TRMT11: variants seen among roughly 807,000 people sequenced by gnomAD.
TRMT11 encodes tRNA methyltransferase 11.
In TRMT11, 53 loss-of-function variants were observed where a neutral mutation model predicts 62.8. The ratio of observed to expected loss-of-function variants is 0.84; its 90% CI spans 0.68 to 1.06. The LOEUF (loss-of-function observed/expected upper bound fraction) is 1.06, where lower values mean the gene tolerates loss of function less well. Among genes scored for constraint, TRMT11 ranks in the 50% least tolerant of loss-of-function variants. The pLI is 0.00. For synonymous variants in TRMT11, 188 were observed against 190.3 expected (o/e 0.99, Z 0.10); for missense variants, 556 against 553.4 (o/e 1.00, Z -0.05).
At chr6:126,244,474 A>G in the TRMT11 span, among the ~76,000 whole-genome samples, 1 of 152,184 alleles carries the variant, frequency 6.6e-6, no homozygotes, top group Non-Finnish European at 1.5e-5. Flanking sequence ...TATGGCCAGT[A>G]TCAAAAGTTA....
chr6:126,253,732 C>T, the TRMT11 span, among the ~76,000 whole-genome samples: 2 of 152,164 alleles, frequency 1.3e-5, no homozygotes, highest in African/African-American at 2.4e-5. Context: ...CCAGTGGTCA[C>T]ACTGTAGGAT....
the TRMT11 span, among the ~76,000 whole-genome samples, chr6:126,230,912 C>T: frequency 6.6e-6 from 1 of 152,024 alleles, no homozygotes; most frequent in Admixed American, 6.6e-5. Context: ...ATAATACGTC[C>T]TCATTGTGAG....
intron 21 of TRMT11, among the ~76,000 whole-genome samples, chr6:126,151,821 T>TTAGTTTC (rs746194861): frequency 8.0e-6 from 1 of 125,400 alleles, no homozygotes; most frequent in African/African-American, 3.1e-5. Context: ...TTTCTTTCTT[T>TTAGTTTC]CTTTCTTTCT....
At chr6:126,140,928 C>T (rs543415955) in intron 21 of TRMT11, among the ~76,000 whole-genome samples, 19 of 152,052 alleles carry the variant, frequency 1.2e-4, no homozygotes, top group Admixed American at 9.8e-4. Context: ...AAAAATGCTT[C>T]GAATTTTCTT....
At chr6:126,244,982 A>G in the TRMT11 span, among the ~76,000 whole-genome samples, 5 of 152,236 alleles carry the variant, frequency 3.3e-5, no homozygotes, top group Admixed American at 2.0e-4. Flanking sequence ...AATAATGTCT[A>G]TATCCAACAC....
chr6:126,174,524 C>T (rs966240189), upstream of TRMT11, among the ~76,000 whole-genome samples: 1 of 152,310 alleles, frequency 6.6e-6, no homozygotes, highest in African/African-American at 2.4e-5. Flanking sequence ...CACACTGTTC[C>T]TAACCACGCT....
At chr6:126,012,943 T>G in intron 10 of TRMT11, 27 bp from the exon 11 acceptor site, 1 of 1,607,984 alleles carries the variant, frequency 6.2e-7, no homozygotes, top group Non-Finnish European at 8.5e-7. Flanking sequence ...TTTTCACTGA[T>G]TTTGAAATTT....
chr6:126,161,059 T>C (rs1015845267), intron 21 of TRMT11, among the ~76,000 whole-genome samples: 8 of 152,116 alleles, frequency 5.3e-5, no homozygotes, highest in African/African-American at 1.9e-4. Flanking sequence ...TCTGGTATTA[T>C]GGTTCTTTTT....
chr6:126,003,132 T>G (rs1205378911), intron 7 of TRMT11, among the ~76,000 whole-genome samples: 1 of 152,098 alleles, frequency 6.6e-6, no homozygotes, highest in Admixed American at 6.6e-5. Flanking sequence ...CTTATGAATA[T>G]ATACCTTTGT....
chr6:126,198,643 C>T (rs1183907407), intron 1 of TRMT11, among the ~76,000 whole-genome samples: 1 of 152,164 alleles, frequency 6.6e-6, no homozygotes, highest in African/African-American at 2.4e-5. Context: ...TAGTTAATCT[C>T]AGTTTACAAA....
At chr6:126,266,730 A>C in the TRMT11 span, among the ~76,000 whole-genome samples, 1 of 152,302 alleles carries the variant, frequency 6.6e-6, no homozygotes, top group Middle Eastern at 3.4e-3. Flanking sequence ...TTTTATTTTC[A>C]TTGCCATAAT....
chr6:126,085,443 T>C (rs1307381282), intron 17 of TRMT11, among the ~76,000 whole-genome samples: 1 of 152,170 alleles, frequency 6.6e-6, no homozygotes, highest in East Asian at 1.9e-4. Context: ...TCTTGCTGTT[T>C]CAAATTCCTT....
intron 17 of TRMT11, among the ~76,000 whole-genome samples, chr6:126,100,946 C>G (rs917741020): frequency 2.0e-4 from 30 of 152,042 alleles, no homozygotes; most frequent in Admixed American, 1.3e-3. Context: ...GAGCATGCAA[C>G]CTAGATGCCT....
chr6:126,192,700 A>G (rs139400253), intron 1 of TRMT11, among the ~76,000 whole-genome samples: 1 of 152,204 alleles, frequency 6.6e-6, no homozygotes. Context: ...CATAATGATC[A>G]TATGTTTTTT....
the TRMT11 span, among the ~76,000 whole-genome samples, chr6:126,213,790 A>C: frequency 6.6e-6 from 1 of 151,982 alleles, no homozygotes; most frequent in Non-Finnish European, 1.5e-5. Flanking sequence ...CTATATTGAG[A>C]AACAGTAGTG....
intron 3 of TRMT11, among the ~76,000 whole-genome samples, chr6:125,997,393 A>G (rs1189041151): frequency 6.6e-6 from 1 of 152,270 alleles, no homozygotes; most frequent in African/African-American, 2.4e-5. Context: ...TTAACATGAA[A>G]TATTTTGAGC....
At chr6:126,215,376 G>A in the TRMT11 span, among the ~76,000 whole-genome samples, 47 of 152,056 alleles carry the variant, frequency 3.1e-4, 1 homozygote, top group African/African-American at 1.1e-3. Context: ...CCAGTGTTGG[G>A]TCCAATGTAT....
At chr6:126,012,299 A>G (rs887524672) in intron 9 of TRMT11, among the ~76,000 whole-genome samples, 2 of 152,100 alleles carry the variant, frequency 1.3e-5, no homozygotes, top group African/African-American at 4.8e-5. Flanking sequence ...TAAGTGGTAT[A>G]CATTGTGGCC....
intron 8 of TRMT11, 131 bp downstream of exon 8, chr6:126,008,603 C>G (rs1259766180): frequency 3.6e-6 from 3 of 822,606 alleles, no homozygotes; most frequent in Non-Finnish European, 6.3e-6. Context: ...TTATTTCCAT[C>G]TCTGCCCTCT....
Sources: gnomAD v4.1 joint callset for allele counts (sites outside exome capture counted in the v4.1 genomes callset) on GRCh38, gnomAD v4.1.1 for gene constraint, MANE v1.5 for transcripts, NCBI Gene and HGNC (gene_info 2026-07-23, HGNC 2026-07-21) for gene names.